SH3GL2: variants seen among roughly 807,000 people sequenced by gnomAD.
The protein encoded by SH3GL2 is SH3 domain containing GRB2 like 2, endophilin A1.
In SH3GL2, 24 loss-of-function variants were observed where a neutral mutation model predicts 46.0. The ratio of observed to expected loss-of-function variants is 0.52; its 90% CI spans 0.38 to 0.73. The LOEUF (loss-of-function observed/expected upper bound fraction) is 0.73, where lower values mean the gene tolerates loss of function less well. Among genes scored for constraint, SH3GL2 ranks in the 30% least tolerant of loss-of-function variants. The pLI is 0.00. For missense variants in SH3GL2, 413 were observed against 424.2 expected, an observed-to-expected ratio of 0.97 and a Z score of 0.23; for synonymous variants, 196 against 147.1, an observed-to-expected ratio of 1.33 and a Z score of -2.40.
intron 1 of SH3GL2, among the ~76,000 whole-genome samples, chr9:17,633,481 T>G (rs12378778): frequency 0.014 from 2,197 of 152,342 alleles, 29 homozygotes; most frequent in Non-Finnish European, 0.021. Flanking sequence ...CTAAATGTTT[T>G]GCATATCGTC....
In SH3GL2 at chr9:17,789,545, A is replaced by G. The variant is rs375439748; in HGVS notation, c.619A>G (p.Met207Val). 3.1e-6 allele frequency: 5 copies of G among 1,613,270 alleles called. No homozygotes were observed. Among genetic ancestry groups the G allele is most frequent in the Non-Finnish European group, 4.2e-6 (5 of 1,179,508 alleles). The change falls in exon 6 of 9, where the codon ATG becomes GTG. Residue 207 changes from methionine (M) to valine (V), a missense_variant. Met to Val is a conservative substitution (Grantham distance 21). Transcript: ENST00000380607. Reference protein sequence around the residue: ...AESSMFNLLEMDIEQVSQLSA... With the variant: ...AESSMFNLLEVDIEQVSQLSA... ...GTCAAGCATGTTCAATCTCTTGGAG[A>G]TGGATGTAAGTGACTCCTGTGGTTT...
chr9:17,736,583 T>C (rs540085985), intron 1 of SH3GL2, among the ~76,000 whole-genome samples: 1 of 152,296 alleles, frequency 6.6e-6, no homozygotes, highest in East Asian at 1.9e-4. Context: ...AGAACATTTA[T>C]CTCAGGATAG....
At chr9:17,611,132 C>T (rs1379839711) in intron 1 of SH3GL2, among the ~76,000 whole-genome samples, 3 of 152,112 alleles carry the variant, frequency 2.0e-5, no homozygotes, top group Non-Finnish European at 4.4e-5. Context: ...GAGTAGACGT[C>T]ATACAATAAT....
intron 1 of SH3GL2, among the ~76,000 whole-genome samples, chr9:17,724,774 TTCTCAC>T (rs1821981746): frequency 6.6e-6 from 1 of 152,162 alleles, no homozygotes; most frequent in Admixed American, 6.6e-5. Flanking sequence ...AAGAATATTT[TTCTCAC>T]TCTGTGTGGC....
At chr9:17,775,217 A>T (rs1311056140) in intron 3 of SH3GL2, among the ~76,000 whole-genome samples, 2 of 151,816 alleles carry the variant, frequency 1.3e-5, no homozygotes, top group Non-Finnish European at 2.9e-5. Context: ...AATTTTGTTG[A>T]TCTTTTCCAA....
intron 1 of SH3GL2, among the ~76,000 whole-genome samples, chr9:17,608,967 C>A (rs1333155970): frequency 6.6e-6 from 1 of 152,078 alleles, no homozygotes; most frequent in South Asian, 2.1e-4. Context: ...TCCAGGACAC[C>A]CACTTTCACT....
At chr9:17,678,871 C>G (rs1228685187) in intron 1 of SH3GL2, among the ~76,000 whole-genome samples, 1 of 152,090 alleles carries the variant, frequency 6.6e-6, no homozygotes, top group African/African-American at 2.4e-5. Context: ...TTTCCCAGCA[C>G]CATTTATTAA....
chr9:17,614,780 A>C (rs77074579), intron 1 of SH3GL2, among the ~76,000 whole-genome samples: 1 of 151,970 alleles, frequency 6.6e-6, no homozygotes, highest in Non-Finnish European at 1.5e-5. Flanking sequence ...CTTTTCTACC[A>C]AGTGAAGTTT....
intron 1 of SH3GL2, among the ~76,000 whole-genome samples, chr9:17,592,348 C>G (rs1033415690): frequency 2.0e-5 from 3 of 152,216 alleles, no homozygotes; most frequent in African/African-American, 7.2e-5. Context: ...CTGGCAGACA[C>G]ACACAGAAAT....
intron 1 of SH3GL2, among the ~76,000 whole-genome samples, chr9:17,703,733 G>C (rs118014087): frequency 1.3e-5 from 2 of 152,054 alleles, no homozygotes; most frequent in East Asian, 1.9e-4. Flanking sequence ...CGCAGAAAAG[G>C]CTTTTAATAC....
At chr9:17,681,644 A>G (rs1209073290) in intron 1 of SH3GL2, among the ~76,000 whole-genome samples, 20 of 152,132 alleles carry the variant, frequency 1.3e-4, no homozygotes. Flanking sequence ...TAGGCATGGG[A>G]AAAGACTTCA....
At chr9:17,769,009 T>C (rs7036431) in intron 3 of SH3GL2, among the ~76,000 whole-genome samples, 69,984 of 151,970 alleles carry the variant, frequency 0.46, 16,867 homozygotes, top group East Asian at 0.85. Flanking sequence ...GGCACTATTG[T>C]TCATGGGGCC....
At chr9:17,755,397 A>G (rs1253148489) in intron 2 of SH3GL2, among the ~76,000 whole-genome samples, 3 of 152,192 alleles carry the variant, frequency 2.0e-5, no homozygotes, top group East Asian at 1.9e-4. Flanking sequence ...CCAGCATTGT[A>G]TTGAGGATTT....
chr9:17,683,417 G>A (rs1027165347), intron 1 of SH3GL2, among the ~76,000 whole-genome samples: 1 of 152,086 alleles, frequency 6.6e-6, no homozygotes, highest in Non-Finnish European at 1.5e-5. Flanking sequence ...GCTCCTGGGG[G>A]AAGGGCGGCA....
At chr9:17,738,563 TAC>T (rs1204233194) in intron 1 of SH3GL2, among the ~76,000 whole-genome samples, 3 of 18,306 alleles carry the variant, frequency 1.6e-4, no homozygotes, top group South Asian at 9.6e-4. Context: ...TGTATATACA[TAC>T]ATATATATAT....
chr9:17,667,273 T>A (rs947921491), intron 1 of SH3GL2, among the ~76,000 whole-genome samples: 2 of 152,146 alleles, frequency 1.3e-5, no homozygotes, highest in African/African-American at 2.4e-5. Context: ...ATATTTAGCA[T>A]ATTCACAAGA....
chr9:17,655,826 A>G (rs1416682945), intron 1 of SH3GL2, among the ~76,000 whole-genome samples: 4 of 152,174 alleles, frequency 2.6e-5, no homozygotes, highest in African/African-American at 9.7e-5. Flanking sequence ...TCATCCCTGC[A>G]TGCTTGCCTT....
intron 3 of SH3GL2, among the ~76,000 whole-genome samples, chr9:17,768,069 G>A (rs1047402361): frequency 6.6e-6 from 1 of 152,118 alleles, no homozygotes. Flanking sequence ...GCCAGATCTT[G>A]CTTAAAAGAT....
intron 1 of SH3GL2, among the ~76,000 whole-genome samples, chr9:17,599,546 C>G (rs1464567338): frequency 6.6e-6 from 1 of 150,520 alleles, no homozygotes; most frequent in East Asian, 1.9e-4. Flanking sequence ...TGGGGATGTG[C>G]AAAGATGTAT....
Sources: allele counts gnomAD v4.1 joint callset (sites outside exome capture counted in the v4.1 genomes callset), GRCh38; gene constraint gnomAD v4.1.1; transcripts MANE v1.5; gene names NCBI Gene and HGNC (gene_info 2026-07-23, HGNC 2026-07-21).